STAP1: variants seen among roughly 807,000 people sequenced by gnomAD.
STAP1 encodes signal-transducing adaptor protein 1.
In STAP1, 30 loss-of-function variants were observed where a neutral mutation model predicts 37.8. The ratio of observed to expected loss-of-function variants is 0.79; its 90% confidence interval spans 0.59 to 1.08. The LOEUF is 1.08. STAP1 is among the 50% of genes least tolerant of loss of function. The probability of loss-of-function intolerance (pLI) is 0.00; values close to 1 mark genes in which losing one functional copy is unlikely to be tolerated. For missense variants in STAP1, 357 were observed against 349.4 expected, an observed-to-expected ratio of 1.02 and a Z score of -0.17; for synonymous variants, 130 against 116.0, an observed-to-expected ratio of 1.12 and a Z score of -0.78.
intron 8 of STAP1, among the ~76,000 whole-genome samples, chr4:67,598,087 G>A (rs1728263320): frequency 6.6e-6 from 1 of 152,118 alleles, no homozygotes; most frequent in Admixed American, 6.5e-5. Context: ...GTTGAGGGAG[G>A]GATCTGGTGG....
intron 8 of STAP1, among the ~76,000 whole-genome samples, chr4:67,595,734 A>G (rs1728210340): frequency 6.6e-6 from 1 of 152,138 alleles, no homozygotes; most frequent in Non-Finnish European, 1.5e-5. Context: ...CTTTTTCAAA[A>G]TCGTTTGGAC....
At chr4:67,588,348 G>GACA (rs1376929329) in intron 6 of STAP1, among the ~76,000 whole-genome samples, 2 of 128,902 alleles carry the variant, frequency 1.6e-5, no homozygotes, top group Admixed American at 7.6e-5. Flanking sequence ...CATAGACGAC[G>GACA]ACGACGATGA....
chr4:67,586,215 T>C (rs1727976503), intron 6 of STAP1, among the ~76,000 whole-genome samples: 1 of 152,078 alleles, frequency 6.6e-6, no homozygotes, highest in South Asian at 2.1e-4. Flanking sequence ...TCCCAGCACT[T>C]TGGGAGGCTG....
intron 6 of STAP1, among the ~76,000 whole-genome samples, chr4:67,586,866 A>T (rs1483100962): frequency 1.3e-5 from 2 of 152,258 alleles, no homozygotes; most frequent in Non-Finnish European, 2.9e-5. Context: ...ATATTTGGAA[A>T]GCAAGAAGTA....
At chr4:67,591,527 C>T (rs905926731) in intron 7 of STAP1, among the ~76,000 whole-genome samples, 5 of 152,116 alleles carry the variant, frequency 3.3e-5, no homozygotes, top group African/African-American at 1.2e-4. Context: ...CTGTTCTGAA[C>T]CAATGAGAAT....
At position 67,581,432 on chromosome 4, in the gene STAP1, C is replaced by T. The variant is rs1391938835; in HGVS notation, c.491C>T (p.Pro164Leu). 1.2e-6 allele frequency: 2 copies of T among 1,613,374 alleles called. No homozygotes were observed. The highest frequency in any genetic ancestry group is 1.7e-6 in the Non-Finnish European group (2 of 1,179,708). The change falls in exon 5 of 9, where the codon CCA becomes CTA. Residue 164 changes from proline to leucine, a missense_variant. Transcript: ENST00000265404. ...ACGTCCGTGGAAAAAGAGAAGGAACCAACTGAAGATTATGTGGATGTACTG... is the reference window on the plus strand; with the variant it reads ...ACGTCCGTGGAAAAAGAGAAGGAACTAACTGAAGATTATGTGGATGTACTG... ...QSTSVEKEKE[P>L]TEDYVDVLNP...
At chr4:67,595,235 G>T (rs1462373617) in intron 8 of STAP1, among the ~76,000 whole-genome samples, 1 of 151,956 alleles carries the variant, frequency 6.6e-6, no homozygotes, top group African/African-American at 2.4e-5. Flanking sequence ...ATGGGTAATT[G>T]TTCCAGCCCC....
chr4:67,584,149 G>C (rs1217924742), intron 6 of STAP1, among the ~76,000 whole-genome samples: 1 of 145,198 alleles, frequency 6.9e-6, no homozygotes, highest in East Asian at 2.0e-4. Context: ...TGTCATAAAA[G>C]CAATGCTAAA....
At chr4:67,571,421 A>G (rs1727604113) in intron 2 of STAP1, among the ~76,000 whole-genome samples, 2 of 152,232 alleles carry the variant, frequency 1.3e-5, no homozygotes, top group South Asian at 4.1e-4. Context: ...TTAGTTAAAA[A>G]GTGAAAATTT....
intron 6 of STAP1, among the ~76,000 whole-genome samples, chr4:67,584,200 G>A (rs903404778): frequency 6.6e-6 from 1 of 151,504 alleles, no homozygotes; most frequent in African/African-American, 2.4e-5. Flanking sequence ...GAAGAAGAAA[G>A]AATAACACAT....
chr4:67,569,457 C>T (rs1404876548), intron 1 of STAP1, among the ~76,000 whole-genome samples: 1 of 150,316 alleles, frequency 6.7e-6, no homozygotes, highest in Non-Finnish European at 1.5e-5. Flanking sequence ...TCTTAGCTTA[C>T]TGTAACTATT....
intron 4 of STAP1, among the ~76,000 whole-genome samples, chr4:67,578,432 G>A (rs1727774639): frequency 1.3e-5 from 2 of 152,162 alleles, no homozygotes; most frequent in South Asian, 4.1e-4. Flanking sequence ...GCCAGTAACA[G>A]GTAAAAGTTA....
At chr4:67,561,621 G>A (rs1375210586) in intron 1 of STAP1, among the ~76,000 whole-genome samples, 1 of 152,112 alleles carries the variant, frequency 6.6e-6, no homozygotes, top group Non-Finnish European at 1.5e-5. Context: ...AGATAATGTG[G>A]GAAGATTTAT....
chr4:67,558,867 A>G lies in STAP1; in HGVS notation c.58A>G (p.Lys20Glu), dbSNP rs780142268. ...APRRIFQERL[K>E]ITALPLYFEG... ...TCGCAGGATCTTCCAGGAAAGGTTA[A>G]AGATTACTGCTCTACCTTTGTACTT... Residue 20 changes from lysine to glutamate, a missense_variant, in exon 1 of 9, where the codon AAG becomes GAG. Lys to Glu is a moderately conservative substitution (Grantham distance 56). Transcript: ENST00000265404. The G allele has an allele frequency of 1.9e-6, 3 of 1,613,912 alleles. No homozygotes were observed. The East Asian group carries it at 6.7e-5, about 36-fold the overall frequency.
intron 1 of STAP1, among the ~76,000 whole-genome samples, chr4:67,562,638 G>T (rs1254404806): frequency 6.6e-6 from 1 of 151,198 alleles, no homozygotes; most frequent in Non-Finnish European, 1.5e-5. Context: ...CGGGCGAGGT[G>T]GTGGGCGCCT....
rs1209298879 is a variant in STAP1, at chr4:67,571,140, C to A, written c.177C>A (p.Asp59Glu). The A allele has an allele frequency of 6.2e-7, 1 of 1,605,666 alleles. No individual in the cohort carries two copies. Among genetic ancestry groups the A allele is most frequent in the Non-Finnish European group, 8.5e-7 (1 of 1,172,700 alleles). ...GAACTACTCTTTTCTTTTATACCGACAAAAAGAGTATAATAGTAAGTAAAT... is the reference window on the plus strand; with the variant it reads ...GAACTACTCTTTTCTTTTATACCGAAAAAAAGAGTATAATAGTAAGTAAAT... ...LRGTTLFFYT[D>E]KKSIIYVDKL... The change falls in exon 2 of 9, where the codon GAC (aspartate) becomes GAA (glutamate). Residue 59 changes from aspartate to glutamate, a missense_variant. Transcript: ENST00000265404.
chr4:67,570,440 C>G (rs1465284232), intron 1 of STAP1, among the ~76,000 whole-genome samples: 2 of 152,124 alleles, frequency 1.3e-5, no homozygotes, highest in African/African-American at 2.4e-5. Flanking sequence ...TTGTCATCCA[C>G]CAAAAGATCT....
rs570967842 is a variant in STAP1, at chr4:67,575,641, C to CT, written c.306+144dup. ...ATTTTTGCTTGCGTCTGGCCAAGAC[C>CT]TAGTTTTCTGAATTGGAATTTAAAA... is the stretch of plus-strand genomic sequence containing the variant. On this transcript the variant is annotated intron_variant, in intron 3 of 8. Transcript: ENST00000265404. The CT allele has an allele frequency of 3.9e-4, 256 of 649,012 alleles. No homozygotes were observed. The Admixed American group carries it at 4.5e-3, about 12-fold the overall frequency. 40.2% of individuals were successfully genotyped at this position (649,012 alleles called of 1,614,324 possible).
chr4:67,560,494 A>G (rs1727308978), intron 1 of STAP1, among the ~76,000 whole-genome samples: 1 of 152,240 alleles, frequency 6.6e-6, no homozygotes, highest in Non-Finnish European at 1.5e-5. Context: ...TATAGTAGGA[A>G]TGATGTCTTC....
Sources: allele counts gnomAD v4.1 joint callset (sites outside exome capture counted in the v4.1 genomes callset), GRCh38; gene constraint gnomAD v4.1.1; transcripts MANE v1.5; gene names NCBI Gene and HGNC (gene_info 2026-07-23, HGNC 2026-07-21).